The following FBXL20 variants were observed in gnomAD, a reference collection of about 807,000 sequenced individuals.
FBXL20 encodes F-box and leucine rich repeat protein 20.
A neutral mutation model predicts 64.0 loss-of-function variants in FBXL20; 11 were observed. That is an observed-to-expected ratio of 0.17 (90% CI 0.11 to 0.28). The LOEUF is 0.28. Ranked by LOEUF, FBXL20 falls within the 10% of genes least tolerant of loss-of-function variation. The pLI is 1.00. For synonymous variants in FBXL20, 184 were observed against 189.0 expected (o/e 0.97, Z 0.22); for missense variants, 303 against 526.2 (o/e 0.58, Z 4.15).
At chr17:39,305,041 A>G (rs2047169582) in intron 2 of FBXL20, among the ~76,000 whole-genome samples, 1 of 152,188 alleles carries the variant, frequency 6.6e-6, no homozygotes, top group Non-Finnish European at 1.5e-5. Flanking sequence ...TACAGGCGTG[A>G]GCCACCACAC....
intron 2 of FBXL20, among the ~76,000 whole-genome samples, chr17:39,325,773 T>G (rs1204603930): frequency 6.6e-6 from 1 of 152,132 alleles, no homozygotes; most frequent in African/African-American, 2.4e-5. Context: ...AGAATTTAAC[T>G]TATATTTGAG....
intron 12 of FBXL20, among the ~76,000 whole-genome samples, chr17:39,267,562 T>C (rs749187307): frequency 3.9e-5 from 6 of 152,176 alleles, no homozygotes; most frequent in Non-Finnish European, 8.8e-5. Flanking sequence ...CACTACTCAG[T>C]ATCGATAACT....
intron 1 of FBXL20, among the ~76,000 whole-genome samples, chr17:39,349,161 A>T (rs1247515991): frequency 6.6e-6 from 1 of 151,736 alleles, no homozygotes; most frequent in Non-Finnish European, 1.5e-5. Flanking sequence ...CTGAAGCAGG[A>T]GAATCACTTG....
chr17:39,378,225 G>A (rs1311815660), intron 1 of FBXL20, among the ~76,000 whole-genome samples: 4 of 152,014 alleles, frequency 2.6e-5, no homozygotes, highest in African/African-American at 7.2e-5. Flanking sequence ...CTAAAATCAC[G>A]GTATGCATAG....
At chr17:39,361,446 G>A (rs966558403) in intron 1 of FBXL20, among the ~76,000 whole-genome samples, 1 of 152,168 alleles carries the variant, frequency 6.6e-6, no homozygotes, top group Admixed American at 6.6e-5. Flanking sequence ...TTGCTGGATT[G>A]GAAAATAAAA....
intron 1 of FBXL20, among the ~76,000 whole-genome samples, chr17:39,387,790 C>T (rs979342163): frequency 2.0e-5 from 3 of 151,932 alleles, no homozygotes; most frequent in Non-Finnish European, 4.4e-5. Context: ...ATTGCTCAAG[C>T]TGGTCTTGAA....
chr17:39,399,777 T>G (rs1338068443), intron 1 of FBXL20, among the ~76,000 whole-genome samples: 1 of 152,168 alleles, frequency 6.6e-6, no homozygotes. Flanking sequence ...AATTAAAGTA[T>G]AAGATAATTA....
chr17:39,347,357 T>C (rs2047643723), intron 1 of FBXL20, among the ~76,000 whole-genome samples: 1 of 152,216 alleles, frequency 6.6e-6, no homozygotes, highest in Admixed American at 6.6e-5. Context: ...ACCTGTTGTT[T>C]CCCGACTTTT....
chr17:39,315,478 G>T (rs916364581), intron 2 of FBXL20, among the ~76,000 whole-genome samples: 12 of 150,476 alleles, frequency 8.0e-5, no homozygotes, highest in Admixed American at 6.7e-4. Flanking sequence ...TGTTGAAAGA[G>T]TCAGTTCTAA....
At chr17:39,264,454 T>A (rs1260363799) in intron 13 of FBXL20, 67 bp from the exon 14 acceptor site, 9 of 1,545,698 alleles carry the variant, frequency 5.8e-6, no homozygotes, top group Non-Finnish European at 8.0e-6. Context: ...CAGAGGCTTG[T>A]GTGAATTGGA....
Position 39,371,955 on chromosome 17 carries a change from C to CTA in FBXL20, c.43-28715_43-28714insTA, listed in dbSNP as rs566916272. Among the ~76,000 whole-genome samples the CTA allele has an allele frequency of 3.6e-4, 55 of 152,278 alleles. No individual in the cohort carries two copies. The South Asian group carries it at 0.011, about 32-fold the overall frequency. On this transcript the variant is annotated intron_variant, in intron 1 of 14. Coordinates refer to ENST00000264658, the MANE Select transcript of FBXL20 (RefSeq NM_032875.3). ...AAGTGACCCTGTTGTCAGCCTCCAT[C>CTA]TTATCCCTGCCTTCTGTTGTACGTG... is the stretch of plus-strand genomic sequence containing the variant.
At chr17:39,370,334 T>C (rs1057015013) in intron 1 of FBXL20, among the ~76,000 whole-genome samples, 1 of 134,574 alleles carries the variant, frequency 7.4e-6, no homozygotes, top group South Asian at 2.3e-4. Flanking sequence ...CTACCAAAAA[T>C]ACAAAAACCA....
chr17:39,396,814 G>A (rs959474628), intron 1 of FBXL20, among the ~76,000 whole-genome samples: 2 of 151,420 alleles, frequency 1.3e-5, no homozygotes, highest in African/African-American at 4.9e-5. Context: ...AAAATTAGCC[G>A]GGCATGGCAG....
chr17:39,262,332 A>G (rs2046754156), intron 14 of FBXL20, among the ~76,000 whole-genome samples: 1 of 152,052 alleles, frequency 6.6e-6, no homozygotes, highest in African/African-American at 2.4e-5. Flanking sequence ...CCCAGGCTGG[A>G]GTGCAATGGT....
At chr17:39,261,619 A>G in intron 14 of FBXL20, 52 bp from the exon 15 acceptor site, 11 of 1,382,912 alleles carry the variant, frequency 8.0e-6, no homozygotes, top group Non-Finnish European at 1.0e-5. Context: ...AAACAGAAAG[A>G]GCAATGTTGG....
Position 39,254,930 on chromosome 17 carries a change from C to A in FBXL20, c.*6530G>T, listed in dbSNP as rs893443055. 2.0e-5 allele frequency: 3 copies of A among 152,550 alleles called. No individual in the cohort carries two copies. The highest frequency in any genetic ancestry group is 7.2e-5 in the African/African-American group (3 of 41,470). 9.4% of individuals were successfully genotyped at this position (152,550 alleles called of 1,614,324 possible). ...CTCAACCTCTATAAACTGAACTTCA[C>A]AAGCACTTATTTAAAAACAAGAGGC... On this transcript the variant is annotated 3_prime_UTR_variant, in exon 15 of 15. Coordinates refer to ENST00000264658, the MANE Select transcript of FBXL20 (RefSeq NM_032875.3).
At chr17:39,330,843 G>A (rs186608177) in intron 2 of FBXL20, among the ~76,000 whole-genome samples, 137 of 152,252 alleles carry the variant, frequency 9.0e-4, no homozygotes, top group African/African-American at 3.1e-3. Flanking sequence ...ATCCTACAGA[G>A]AGGCAGCATC....
In FBXL20 at chr17:39,364,637, G is replaced by A. The variant is rs371804600; in HGVS notation, c.43-21396C>T. On this transcript the variant is annotated intron_variant, in intron 1 of 14. Coordinates refer to ENST00000264658, the MANE Select transcript of FBXL20 (RefSeq NM_032875.3). ...AAAAGAAAAAGAAAAAAAGAATGTG[G>A]CAGGAATAACACTGTGATTTCCCAG... Among the ~76,000 whole-genome samples the A allele has an allele frequency of 7.9e-4, 120 of 152,234 alleles. 1 individual carries two copies. The highest frequency in any genetic ancestry group is 2.8e-3 in the African/African-American group (117 of 41,542).
chr17:39,390,067 G>C (rs1184126613), intron 1 of FBXL20, among the ~76,000 whole-genome samples: 1 of 152,006 alleles, frequency 6.6e-6, no homozygotes, highest in Non-Finnish European at 1.5e-5. Flanking sequence ...ATAAATTCTA[G>C]ACTGAAACAC....
Sources: allele counts gnomAD v4.1 joint callset (sites outside exome capture counted in the v4.1 genomes callset), GRCh38; gene constraint gnomAD v4.1.1; transcripts MANE v1.5; gene names NCBI Gene and HGNC (gene_info 2026-07-23, HGNC 2026-07-21).